TRPM3: variants seen among roughly 807,000 people sequenced by gnomAD.
The protein encoded by TRPM3 is transient receptor potential cation channel subfamily M member 3, also known as long transient receptor potential channel 3.
In TRPM3, 77 loss-of-function variants were observed where a neutral mutation model predicts 181.2. The observed-to-expected ratio is 0.42, with a 90% confidence interval of 0.35 to 0.51. The LOEUF is 0.51. TRPM3 is among the 20% of genes least tolerant of loss of function. The pLI is 0.01. For synonymous variants in TRPM3, 745 were observed against 796.4 expected (o/e 0.94, Z 1.09); for missense variants, 1,759 against 2,196.7 (o/e 0.80, Z 3.98).
At chr9:70,760,943 T>G (rs910787492) in intron 8 of TRPM3, 2 of 154,264 alleles carry the variant, frequency 1.3e-5, no homozygotes, top group Non-Finnish European at 1.4e-5. Context: ...ATCAGGACAG[T>G]TGCAAAGGTC....
chr9:70,635,626 T>TA, intron 11 of TRPM3, among the ~76,000 whole-genome samples: 1 of 146,588 alleles, frequency 6.8e-6, no homozygotes, highest in Non-Finnish European at 1.5e-5. Flanking sequence ...ATGCTTTTGA[T>TA]AAAATTTTTT....
rs977576187 is a variant in TRPM3 at position 71,169,953 on chromosome 9, A to T, written c.183+276700T>A. On this transcript the variant is annotated intron_variant, in intron 1 of 24. Transcript: ENST00000357533. Reference sequence around the variant, plus strand: ...GAAGGAAGAGGTTCAGTGAGCCGAGATCATGCCACTGCACTCCAGCCTGGG... The same window carrying T: ...GAAGGAAGAGGTTCAGTGAGCCGAGTTCATGCCACTGCACTCCAGCCTGGG... 2.7e-5 allele frequency among the ~76,000 whole-genome samples: 4 copies of T among 147,326 alleles called. No individual in the cohort carries two copies. The East Asian group carries it at 7.9e-4, about 29-fold the overall frequency.
intron 1 of TRPM3, among the ~76,000 whole-genome samples, chr9:70,995,261 T>C (rs1350619282): frequency 6.6e-6 from 1 of 152,194 alleles, no homozygotes; most frequent in Non-Finnish European, 1.5e-5. Flanking sequence ...TCTTTGAACT[T>C]CCTCATCAGG....
In TRPM3 at chr9:70,650,258, G is replaced by C. The variant is rs563549909; in HGVS notation, c.1346-9598C>G. The stretch of plus-strand genomic sequence containing the variant: ...AAATGATTTGTACACAAAACCACAG[G>C]GGCATGCAATTTGCCCATGTAACAA... On this transcript the variant is annotated intron_variant, in intron 9 of 25. Transcript: ENST00000677713. Among the ~76,000 whole-genome samples the C allele has an allele frequency of 4.6e-5, 7 of 152,168 alleles. No individual in the cohort carries two copies. In the South Asian group the frequency reaches 1.5e-3, roughly 32 times the overall value.
intron 1 of TRPM3, among the ~76,000 whole-genome samples, chr9:71,092,569 T>C (rs940947540): frequency 2.6e-5 from 4 of 152,122 alleles, no homozygotes; most frequent in Admixed American, 1.3e-4. Flanking sequence ...TTACCAACAA[T>C]AACAATTAGA....
chr9:70,812,098 G>C (rs2092146787), intron 6 of TRPM3, among the ~76,000 whole-genome samples: 1 of 152,196 alleles, frequency 6.6e-6, no homozygotes, highest in Non-Finnish European at 1.5e-5. Context: ...TGGTCTCAGA[G>C]GAGGACCCCA....
rs74809655 is a variant in TRPM3 at position 71,398,235 on chromosome 9, T to C, written c.183+48418A>G. On this transcript the variant is annotated intron_variant, in intron 1 of 24. Transcript: ENST00000357533. ...ATTTTTTAGGCCAGGGCAATGTTAA[T>C]AGAAAAAAGCTCAGTTCTTATCCCG... 5.6e-3 allele frequency among the ~76,000 whole-genome samples: 860 copies of C among 152,322 alleles called. 13 individuals carry two copies. The highest frequency in any genetic ancestry group is 0.019 in the African/African-American group (809 of 41,574).
intron 7 of TRPM3, among the ~76,000 whole-genome samples, chr9:70,764,524 A>T (rs2078731800): frequency 6.6e-6 from 1 of 152,198 alleles, no homozygotes; most frequent in South Asian, 2.1e-4. Flanking sequence ...TTGAGGAATG[A>T]TGTGCAATTT....
intron 1 of TRPM3, among the ~76,000 whole-genome samples, chr9:70,907,063 T>A (rs1383783825): frequency 6.6e-6 from 1 of 152,256 alleles, no homozygotes; most frequent in African/African-American, 2.4e-5. Flanking sequence ...CCTTACTTTA[T>A]AACACAGTTT....
intron 7 of TRPM3, among the ~76,000 whole-genome samples, chr9:70,769,009 T>C (rs2079681945): frequency 6.6e-6 from 1 of 152,200 alleles, no homozygotes; most frequent in Admixed American, 6.5e-5. Flanking sequence ...TCATCATATC[T>C]TATTCAGATG....
At chr9:70,763,150 C>T (rs1314649038) in intron 7 of TRPM3, among the ~76,000 whole-genome samples, 3 of 152,064 alleles carry the variant, frequency 2.0e-5, no homozygotes, top group Admixed American at 6.6e-5. Context: ...GAAGGTCACT[C>T]AGCTGGATGA....
At chr9:71,363,559 T>G (rs1011242014) in intron 1 of TRPM3, among the ~76,000 whole-genome samples, 3 of 152,234 alleles carry the variant, frequency 2.0e-5, no homozygotes, top group Non-Finnish European at 4.4e-5. Flanking sequence ...ACAACTTTTC[T>G]GGCTCTATCC....
At chr9:71,121,713 G>A, upstream of TRPM3, 2 of 863,038 alleles carry the variant, frequency 2.3e-6, no homozygotes, top group Non-Finnish European at 2.9e-6. Flanking sequence ...GGTTTGGGGG[G>A]GAGCCAGGAG....
At chr9:71,370,379 G>GA (rs1213952088) in intron 1 of TRPM3, among the ~76,000 whole-genome samples, 1 of 151,398 alleles carries the variant, frequency 6.6e-6, no homozygotes, top group Admixed American at 6.6e-5. Context: ...AAAAGTTCTT[G>GA]AAAAAAAATT....
intron 1 of TRPM3, among the ~76,000 whole-genome samples, chr9:71,295,349 A>C (rs1399434671): frequency 6.6e-6 from 1 of 151,888 alleles, no homozygotes; most frequent in Non-Finnish European, 1.5e-5. Flanking sequence ...GCTCATGCCG[A>C]ATGTTGAATA....
intron 1 of TRPM3, among the ~76,000 whole-genome samples, chr9:71,367,163 T>C (rs928004725): frequency 6.6e-6 from 1 of 152,196 alleles, no homozygotes; most frequent in Non-Finnish European, 1.5e-5. Context: ...TGAGAGATAC[T>C]GGCAATGCTT....
intron 1 of TRPM3, among the ~76,000 whole-genome samples, chr9:71,145,792 G>A (rs1310184651): frequency 6.6e-6 from 1 of 151,912 alleles, no homozygotes; most frequent in Admixed American, 6.6e-5. Flanking sequence ...TTTAACAAAG[G>A]AAACTCTTAT....
At chr9:71,413,237 A>G (rs866340621) in intron 1 of TRPM3, among the ~76,000 whole-genome samples, 19 of 152,308 alleles carry the variant, frequency 1.2e-4, no homozygotes, top group Middle Eastern at 3.4e-3. Context: ...CCTAGAACTT[A>G]AAGTATAACA....
intron 1 of TRPM3, among the ~76,000 whole-genome samples, chr9:71,424,652 C>T (rs1362347647): frequency 1.3e-5 from 2 of 152,094 alleles, no homozygotes; most frequent in Non-Finnish European, 1.5e-5. Flanking sequence ...CTGGCCTTCT[C>T]TCAGTTTGTA....
Sources: gnomAD v4.1 joint callset for allele counts (sites outside exome capture counted in the v4.1 genomes callset) on GRCh38, gnomAD v4.1.1 for gene constraint, MANE v1.5 for transcripts, NCBI Gene and HGNC (gene_info 2026-07-23, HGNC 2026-07-21) for gene names.